The following COL5A2 variants were observed in gnomAD, a reference collection of about 807,000 sequenced individuals.
COL5A2 encodes the protein collagen type V alpha 2 chain.
COL5A2 carries 23 observed loss-of-function variants against 208.2 expected under a neutral mutation model. That is an observed-to-expected ratio of 0.11 (90% CI 0.08 to 0.16). The LOEUF (loss-of-function observed/expected upper bound fraction) is 0.16. COL5A2 is among the 10% of genes least tolerant of loss of function. The pLI is 1.00. For missense variants in COL5A2, 1,590 were observed against 1,956.4 expected (o/e 0.81, Z 3.53); for synonymous variants, 625 against 628.5 (o/e 0.99, Z 0.08).
chr2:189,079,232 A>T, intron 14 of COL5A2, 125 bp from the exon 15 acceptor site: 4 of 759,974 alleles, frequency 5.3e-6, no homozygotes, highest in Non-Finnish European at 6.9e-6. Flanking sequence ...CTTTTGATAT[A>T]GGATCTCAGA....
the COL5A2 span, among the ~76,000 whole-genome samples, chr2:189,380,370 T>A: frequency 6.6e-6 from 1 of 151,786 alleles, no homozygotes; most frequent in African/African-American, 2.4e-5. Flanking sequence ...TATTTTAAGC[T>A]AAGAGTAAAG....
Position 189,137,099 on chromosome 2 carries a change from C to T in COL5A2, c.98-26650G>A, listed in dbSNP as rs149913731. ...ATCTACAGTTAACAAATGTTTTCTT[C>T]GTTCGTGTTTATTCTGAATAAAACT... On this transcript the variant is annotated intron_variant, in intron 1 of 53. Coordinates refer to ENST00000374866, the MANE Select transcript of COL5A2 (RefSeq NM_000393.5). Among the ~76,000 whole-genome samples, 164 of 152,250 alleles carry T rather than the reference C, an allele frequency of 1.1e-3. 1 individual carries two copies. Among genetic ancestry groups the T allele is most frequent in the Admixed American group, 7.8e-3 (119 of 15,300 alleles).
At chr2:189,111,836 C>G (rs192229861) in intron 1 of COL5A2, among the ~76,000 whole-genome samples, 1 of 151,504 alleles carries the variant, frequency 6.6e-6, no homozygotes, top group Non-Finnish European at 1.5e-5. Flanking sequence ...AAGGACTAGG[C>G]GTCTTGTTCA....
At chr2:189,252,851 G>GATTA in the COL5A2 span, among the ~76,000 whole-genome samples, 1 of 152,240 alleles carries the variant, frequency 6.6e-6, no homozygotes, top group African/African-American at 2.4e-5. Context: ...GTATATTTTA[G>GATTA]TATAGCTGGG....
the COL5A2 span, among the ~76,000 whole-genome samples, chr2:189,237,401 A>T: frequency 1.0e-5 from 1 of 95,824 alleles, no homozygotes; most frequent in Non-Finnish European, 2.7e-5. Context: ...AGACAATAAC[A>T]GCAAAAAAAA....
the COL5A2 span, among the ~76,000 whole-genome samples, chr2:189,438,511 G>T: frequency 3.5e-4 from 54 of 152,148 alleles, no homozygotes; most frequent in Non-Finnish European, 6.6e-4. Flanking sequence ...ATACCACTCA[G>T]CAATATAAAG....
At chr2:189,063,292 T>G (rs752250077) in intron 26 of COL5A2, 22 bp from the exon 27 acceptor site, 17 of 1,596,224 alleles carry the variant, frequency 1.1e-5, no homozygotes, top group Non-Finnish European at 1.4e-5. Flanking sequence ...ACAGGAGCCA[T>G]GTAAGTTTCA....
intron 1 of COL5A2, among the ~76,000 whole-genome samples, chr2:189,140,520 A>C (rs2105770933): frequency 6.6e-6 from 1 of 152,340 alleles, no homozygotes; most frequent in South Asian, 2.1e-4. Flanking sequence ...GCTTATAATA[A>C]AAATACAGAA....
the COL5A2 span, among the ~76,000 whole-genome samples, chr2:189,354,897 G>T: frequency 6.6e-6 from 1 of 152,088 alleles, no homozygotes; most frequent in Non-Finnish European, 1.5e-5. Context: ...GATCTTTCCT[G>T]CTTTCTCTTG....
rs760273702 is a variant in COL5A2 at position 189,100,180 on chromosome 2, T to TAGC, written c.337-42_337-41insGCT. On this transcript the variant is annotated intron_variant, in intron 3 of 53. Coordinates refer to ENST00000374866, the MANE Select transcript of COL5A2 (RefSeq NM_000393.5). ...CAATTCAAAAATTCAATTAGCACAA[T>TAGC]ATAATGGCTTGCTGGGCAAAAACAT... 9 of 1,551,200 alleles carry TAGC rather than the reference T, an allele frequency of 5.8e-6. No homozygotes were observed. The East Asian group carries it at 2.0e-4, about 35-fold the overall frequency.
chr2:189,264,105 T>G, the COL5A2 span, among the ~76,000 whole-genome samples: 29 of 152,202 alleles, frequency 1.9e-4, no homozygotes, highest in Non-Finnish European at 3.5e-4. Flanking sequence ...TCAATTGCAT[T>G]CTTACATACT....
intron 1 of COL5A2, among the ~76,000 whole-genome samples, chr2:189,162,815 T>C (rs2105805292): frequency 6.6e-6 from 1 of 152,156 alleles, no homozygotes; most frequent in South Asian, 2.1e-4. Flanking sequence ...AGAAGATAAA[T>C]GTTTGCAGGA....
At chr2:189,327,385 G>A in the COL5A2 span, among the ~76,000 whole-genome samples, 5,544 of 152,048 alleles carry the variant, frequency 0.036, 116 homozygotes, top group Admixed American at 0.05. Context: ...TAGGAAAGAA[G>A]GAGAGAAAAC....
intron 1 of COL5A2, among the ~76,000 whole-genome samples, chr2:189,212,745 A>T (rs1177408717): frequency 1.3e-5 from 2 of 151,854 alleles, no homozygotes; most frequent in Non-Finnish European, 2.9e-5. Context: ...TGGGCAATAG[A>T]GACAAAGGAA....
chr2:189,045,723 G>A (rs962998606), intron 46 of COL5A2, 77 bp downstream of exon 46: 1 of 1,073,478 alleles, frequency 9.3e-7, no homozygotes, highest in Non-Finnish European at 1.5e-6. Context: ...ATGACTATGT[G>A]TGTGTGCCTA....
At chr2:189,365,577 A>ATCT in the COL5A2 span, among the ~76,000 whole-genome samples, 1 of 152,220 alleles carries the variant, frequency 6.6e-6, no homozygotes, top group Admixed American at 6.5e-5. Context: ...AAATGGAGAC[A>ATCT]ATAACACTGG....
At position 189,088,557 on chromosome 2, in the gene COL5A2, T is replaced by TAAAA. The variant is rs1686714751; in HGVS notation, c.645+137_645+138insTTTT. 1.5e-5 allele frequency: 7 copies of TAAAA among 456,808 alleles called. No individual in the cohort carries two copies. In the Admixed American group the frequency reaches 2.3e-4, roughly 15 times the overall value. 28.3% of individuals were successfully genotyped at this position (456,808 alleles called of 1,614,324 possible). A position where few individuals can be genotyped will look rare whatever the true frequency, so the allele number is the denominator to read the frequency against. ...GCATACAGTAGAGTAAATAAGTTAA[T>TAAAA]TAAATGAATGAATGAATGAATGTAC... is the stretch of plus-strand genomic sequence containing the variant. On this transcript the variant is annotated intron_variant, in intron 8 of 53. Transcript: ENST00000374866.
At chr2:189,393,890 T>C in the COL5A2 span, among the ~76,000 whole-genome samples, 1 of 152,190 alleles carries the variant, frequency 6.6e-6, no homozygotes, top group South Asian at 2.1e-4. Context: ...CACAATAGTT[T>C]CCAGCTGCCT....
Position 189,098,701 on chromosome 2 carries a change from C to G in COL5A2, c.402+26G>C, listed in dbSNP as rs776411364. The G allele has an allele frequency of 1.3e-6, 2 of 1,585,192 alleles. 1 individual carries two copies. The highest frequency in any genetic ancestry group is 2.2e-5 in the South Asian group (2 of 90,440). On this transcript the variant is annotated intron_variant, in intron 5 of 53. Coordinates refer to ENST00000374866, the MANE Select transcript of COL5A2 (RefSeq NM_000393.5). ...AGTATCTCAAGGAATACAAGAGTAC[C>G]AAGAATATTGGGAGAAACTACTTAC...
Sources: allele counts gnomAD v4.1 joint callset (sites outside exome capture counted in the v4.1 genomes callset), GRCh38; gene constraint gnomAD v4.1.1; transcripts MANE v1.5; gene names NCBI Gene and HGNC (gene_info 2026-07-23, HGNC 2026-07-21).